DIAPH2: variants seen among roughly 807,000 people sequenced by gnomAD.
DIAPH2 encodes the protein protein diaphanous homolog 2.
In DIAPH2, 35 loss-of-function variants were observed where a neutral mutation model predicts 92.7. That is an observed-to-expected ratio of 0.38 (90% CI 0.29 to 0.50). DIAPH2 has a LOEUF of 0.50. Ranked by LOEUF, DIAPH2 falls within the 20% of genes least tolerant of loss-of-function variation. The pLI, the probability that DIAPH2 is intolerant of heterozygous loss-of-function variation, is 0.94. For synonymous variants in DIAPH2, 301 were observed against 280.4 expected, an observed-to-expected ratio of 1.07 and a Z score of -0.73; for missense variants, 701 against 819.5, an observed-to-expected ratio of 0.86 and a Z score of 1.77.
At chrX:97,207,310 CA>C (rs1233830764) in intron 22 of DIAPH2, among the ~76,000 whole-genome samples, 3 of 111,319 alleles carry the variant, frequency 2.7e-5, no homozygotes, top group Non-Finnish European at 5.7e-5. Context: ...ATTTTAAACC[CA>C]AGTTAGATTG....
chrX:96,782,238 A>G (rs2064422792), intron 4 of DIAPH2, among the ~76,000 whole-genome samples: 1 of 112,286 alleles, frequency 8.9e-6, no homozygotes, highest in South Asian at 3.7e-4. Flanking sequence ...AGCTGGGACT[A>G]CAGGTGCATG....
chrX:97,590,608 G>A (rs757648378), intron 26 of DIAPH2, among the ~76,000 whole-genome samples: 5 of 112,308 alleles, frequency 4.5e-5, no homozygotes, highest in African/African-American at 1.6e-4. Flanking sequence ...GAGATGACAG[G>A]TGATAGTAAT....
At chrX:97,016,674 C>A (rs1472673660) in intron 17 of DIAPH2, among the ~76,000 whole-genome samples, 1 of 112,114 alleles carries the variant, frequency 8.9e-6, no homozygotes, top group Non-Finnish European at 1.9e-5. Context: ...AGTTGCTTGC[C>A]ACAAAGAAAA....
At chrX:96,700,828 A>G (rs1439090231) in intron 1 of DIAPH2, among the ~76,000 whole-genome samples, 1 of 111,959 alleles carries the variant, frequency 8.9e-6, no homozygotes, top group Non-Finnish European at 1.9e-5. Context: ...TTTCTGGTCC[A>G]GTTGAATGAA....
intron 21 of DIAPH2, among the ~76,000 whole-genome samples, chrX:97,118,696 C>A (rs114097967): frequency 0.018 from 2,030 of 111,644 alleles, 48 homozygotes; most frequent in African/African-American, 0.063. Flanking sequence ...TAAATGGCCA[C>A]TGAGATTAGC....
intron 17 of DIAPH2, among the ~76,000 whole-genome samples, chrX:96,982,176 G>T (rs995340186): frequency 9.0e-6 from 1 of 111,560 alleles, no homozygotes; most frequent in East Asian, 2.8e-4. Flanking sequence ...TTTATCCATG[G>T]CCACATATTA....
At chrX:97,266,277 A>G (rs1328068714) in intron 23 of DIAPH2, among the ~76,000 whole-genome samples, 1 of 112,387 alleles carries the variant, frequency 8.9e-6, no homozygotes, top group Non-Finnish European at 1.9e-5. Flanking sequence ...TTTGATCACA[A>G]GAAAGCTTCG....
intron 26 of DIAPH2, among the ~76,000 whole-genome samples, chrX:97,510,531 A>G (rs1264712742): frequency 9.3e-6 from 1 of 107,055 alleles, no homozygotes; most frequent in African/African-American, 3.4e-5. Context: ...CCATTTGTCA[A>G]TTTTGGCTTT....
At position 97,600,730 on chromosome X, in the gene DIAPH2, A is replaced by G. The variant is rs1177123667; in HGVS notation, c.*1413A>G. 2.1e-5 allele frequency: 2 copies of G among 95,697 alleles called. No individual in the cohort carries two copies. Among genetic ancestry groups the G allele is most frequent in the East Asian group, 7.7e-4 (2 of 2,611 alleles). 7.9% of individuals were successfully genotyped at this position (95,697 alleles called of 1,213,427 possible). On this transcript the variant is annotated 3_prime_UTR_variant, in exon 27 of 27. Transcript: ENST00000324765. ...TTATTGTAAGAAATTTCTTACATGT[A>G]TATTTCTTATGTAGAAAATACTGTT...
intron 21 of DIAPH2, among the ~76,000 whole-genome samples, chrX:97,125,992 C>T (rs970508191): frequency 3.6e-5 from 4 of 111,737 alleles, no homozygotes; most frequent in African/African-American, 9.8e-5. Flanking sequence ...TTACTTAGTT[C>T]GCCATGAAGA....
rs1186612895 is a variant in DIAPH2, at chrX:97,604,106, G to A, written c.*4789G>A. 9.0e-6 allele frequency: 1 copy of A among 111,666 alleles called. No homozygotes were observed. Among genetic ancestry groups the A allele is most frequent in the East Asian group, 2.8e-4 (1 of 3,551 alleles). The allele number at this position is 111,666 out of a possible 1,213,427, so 9.2% of individuals were successfully genotyped here. ...GGTTGGCAGGGCTGAACGTCTTCTG[G>A]AGACTCTAAGGGAAACACTCTTCCC... On this transcript the variant is annotated 3_prime_UTR_variant, in exon 27 of 27. Transcript: ENST00000324765.
At chrX:96,806,669 C>G (rs113571752) in intron 4 of DIAPH2, among the ~76,000 whole-genome samples, 32,651 of 77,244 alleles carry the variant, frequency 0.42, 7,165 homozygotes, top group African/African-American at 0.73. Context: ...AAAAAAGAAA[C>G]AAAGAAATTA....
chrX:96,872,648 C>T lies in DIAPH2; in HGVS notation c.448-8931C>T, dbSNP rs537644920. Among the ~76,000 whole-genome samples the T allele has an allele frequency of 7.3e-5, 8 of 109,061 alleles. No homozygotes were observed. The South Asian group carries it at 1.6e-3, about 22-fold the overall frequency. The allele number at this position is 109,061 out of a possible 115,157, so 94.7% of individuals were successfully genotyped here. A position where few individuals can be genotyped will look rare whatever the true frequency, so the allele number is the denominator to read the frequency against. On this transcript the variant is annotated intron_variant, in intron 4 of 26. Coordinates refer to ENST00000324765, the MANE Select transcript of DIAPH2 (RefSeq NM_006729.5). ...CTGGGATTACAGGTGCACGCCACCA[C>T]GCCCGGCTAATTTTTTTGTATTTTT...
chrX:97,011,827 G>A (rs1268765128), intron 17 of DIAPH2, among the ~76,000 whole-genome samples: 1 of 101,934 alleles, frequency 9.8e-6, no homozygotes, highest in African/African-American at 3.7e-5. Context: ...GGGAGGTGGA[G>A]GTTGCAGTGA....
At chrX:97,253,779 A>G (rs61144682) in intron 23 of DIAPH2, among the ~76,000 whole-genome samples, 1,723 of 111,847 alleles carry the variant, frequency 0.015, 31 homozygotes, top group African/African-American at 0.052. Flanking sequence ...TAATAAAAAA[A>G]ACAGTAATAA....
chrX:96,870,716 C>A (rs1187433515), intron 4 of DIAPH2, among the ~76,000 whole-genome samples: 3 of 111,511 alleles, frequency 2.7e-5, no homozygotes, highest in Non-Finnish European at 5.6e-5. Context: ...TCAGTGTGTT[C>A]ATTTTGTCTG....
chrX:97,363,000 C>A (rs773865255), intron 24 of DIAPH2, among the ~76,000 whole-genome samples: 85 of 112,460 alleles, frequency 7.6e-4, no homozygotes, highest in Non-Finnish European at 1.0e-3. Flanking sequence ...GATTTTTATA[C>A]AAACCCGAAC....
chrX:97,185,502 T>TACAC (rs1465561925), intron 22 of DIAPH2, among the ~76,000 whole-genome samples: 2 of 59,443 alleles, frequency 3.4e-5, no homozygotes, highest in African/African-American at 6.3e-5. Context: ...TATATATATA[T>TACAC]ATATATATAT....
chrX:97,351,647 CA>C (rs754715530), intron 24 of DIAPH2, among the ~76,000 whole-genome samples: 1 of 110,343 alleles, frequency 9.1e-6, no homozygotes, highest in South Asian at 3.9e-4. Flanking sequence ...ACTAAAAATA[CA>C]AAAAATTAGC....
Sources: allele counts gnomAD v4.1 joint callset (sites outside exome capture counted in the v4.1 genomes callset), GRCh38; gene constraint gnomAD v4.1.1; transcripts MANE v1.5; gene names NCBI Gene and HGNC (gene_info 2026-07-23, HGNC 2026-07-21).